Variants in MEGF11 observed in about 807,000 individuals in gnomAD.
MEGF11 encodes multiple EGF like domains 11.
Under a neutral mutation model 146.6 loss-of-function variants are expected in MEGF11, and 126 were observed. The ratio of observed to expected loss-of-function variants is 0.86; its 90% CI spans 0.74 to 1.00. The LOEUF is 1.00. Ranked by LOEUF, MEGF11 falls within the 50% of genes least tolerant of loss-of-function variation. The pLI, the probability that MEGF11 is intolerant of heterozygous loss-of-function variation, is 0.00. For synonymous variants in MEGF11, 532 were observed against 583.4 expected (o/e 0.91, Z 1.27); for missense variants, 1,509 against 1,521.2 (o/e 0.99, Z 0.13).
At chr15:66,137,116 T>C (rs542661084) in intron 1 of MEGF11, among the ~76,000 whole-genome samples, 2 of 152,324 alleles carry the variant, frequency 1.3e-5, no homozygotes, top group African/African-American at 4.8e-5. Flanking sequence ...AATTCCACCA[T>C]GTCTATATAA....
chr15:66,130,527 A>C (rs2088595242), intron 1 of MEGF11, among the ~76,000 whole-genome samples: 7 of 152,102 alleles, frequency 4.6e-5, no homozygotes, highest in Admixed American at 4.6e-4. Flanking sequence ...CTTTTGACCC[A>C]TGTGATGGGA....
chr15:65,922,106 A>G (rs1332859464), intron 15 of MEGF11: 1 of 566,718 alleles, frequency 1.8e-6, no homozygotes, highest in Non-Finnish European at 3.2e-6. Context: ...GCCACTTGCT[A>G]GCTGCGAAAT....
intron 1 of MEGF11, among the ~76,000 whole-genome samples, chr15:66,153,117 C>G (rs1396105217): frequency 6.6e-6 from 1 of 152,228 alleles, no homozygotes; most frequent in African/African-American, 2.4e-5. Context: ...CACCCAGTCT[C>G]TAAACTTCTC....
At chr15:65,974,116 T>TAATC (rs1265219585) in intron 7 of MEGF11, among the ~76,000 whole-genome samples, 1 of 152,194 alleles carries the variant, frequency 6.6e-6, no homozygotes, top group African/African-American at 2.4e-5. Context: ...TAAGCACCAA[T>TAATC]AATCACCAAC....
At chr15:66,242,301 TG>T (rs1468801523) in intron 1 of MEGF11, among the ~76,000 whole-genome samples, 2 of 150,480 alleles carry the variant, frequency 1.3e-5, no homozygotes, top group African/African-American at 2.4e-5. Context: ...CCCAGCTACT[TG>T]GGAGGTTGAG....
Position 65,897,868 on chromosome 15 carries a change from G to A in MEGF11, c.*66C>T, listed in dbSNP as rs2078387592. The A allele has an allele frequency of 6.8e-7, 1 of 1,480,948 alleles. No homozygotes were observed. Among genetic ancestry groups the A allele is most frequent in the Non-Finnish European group, 9.2e-7 (1 of 1,085,966 alleles). The allele number at this position is 1,480,948 out of a possible 1,614,324, so 91.7% of individuals were successfully genotyped here. A position where few individuals can be genotyped will look rare whatever the true frequency, so the allele number is the denominator to read the frequency against. The stretch of plus-strand genomic sequence containing the variant: ...AGTCTGTACCATTACTTCAAGTCAA[G>A]GGACTGTCTTCTTTCAGAGTCAGAA... On this transcript the variant is annotated 3_prime_UTR_variant, in exon 26 of 26. Coordinates refer to ENST00000395614, the MANE Select transcript of MEGF11 (RefSeq NM_001385028.1).
intron 1 of MEGF11, among the ~76,000 whole-genome samples, chr15:66,225,452 C>T (rs868063622): frequency 6.6e-6 from 1 of 152,244 alleles, no homozygotes; most frequent in Non-Finnish European, 1.5e-5. Flanking sequence ...GACCAGCGCT[C>T]AGTGGGTGGT....
intron 5 of MEGF11, among the ~76,000 whole-genome samples, chr15:66,010,209 T>TG (rs1167328766): frequency 1.3e-5 from 2 of 151,268 alleles, no homozygotes; most frequent in Non-Finnish European, 3.0e-5. Flanking sequence ...TCTTTTTTTT[T>TG]TTTGAGACAG....
At chr15:66,195,800 G>A (rs533944149) in intron 1 of MEGF11, among the ~76,000 whole-genome samples, 21 of 152,344 alleles carry the variant, frequency 1.4e-4, no homozygotes, top group African/African-American at 5.1e-4. Flanking sequence ...AGGACAGGAA[G>A]CAAGAGGTAT....
chr15:66,045,278 T>C (rs2084159457), intron 5 of MEGF11, among the ~76,000 whole-genome samples: 2 of 152,104 alleles, frequency 1.3e-5, no homozygotes, highest in Admixed American at 1.3e-4. Context: ...ACCTCACTGC[T>C]CTCCTGTGGA....
At chr15:66,039,121 A>G (rs561938564) in intron 5 of MEGF11, among the ~76,000 whole-genome samples, 3 of 152,340 alleles carry the variant, frequency 2.0e-5, no homozygotes, top group Admixed American at 2.0e-4. Context: ...CAGGGTAATG[A>G]GGTGACTACC....
chr15:66,145,305 T>C (rs2089324736), intron 1 of MEGF11, among the ~76,000 whole-genome samples: 1 of 151,834 alleles, frequency 6.6e-6, no homozygotes, highest in African/African-American at 2.4e-5. Context: ...GAAGCTGATA[T>C]CATATGCCCT....
intron 1 of MEGF11, among the ~76,000 whole-genome samples, chr15:66,249,051 G>A (rs1163000405): frequency 6.6e-6 from 1 of 152,194 alleles, no homozygotes; most frequent in Non-Finnish European, 1.5e-5. Flanking sequence ...TACCAGGCCA[G>A]CCAAGTTGAA....
At chr15:66,152,206 C>T (rs1328537827) in intron 1 of MEGF11, among the ~76,000 whole-genome samples, 1 of 152,050 alleles carries the variant, frequency 6.6e-6, no homozygotes, top group East Asian at 1.9e-4. Context: ...CTCGGTGTCC[C>T]CACTTATGAA....
At chr15:66,106,766 A>G (rs1033093457) in intron 4 of MEGF11, among the ~76,000 whole-genome samples, 2 of 152,230 alleles carry the variant, frequency 1.3e-5, no homozygotes, top group African/African-American at 2.4e-5. Flanking sequence ...ACAGCCAGAC[A>G]TCAGAGCAGA....
rs762360834 is a variant in MEGF11 at position 65,898,063 on chromosome 15, G to T, written c.3294C>A (p.Cys1098Ter). 2.5e-6 allele frequency: 4 copies of T among 1,613,396 alleles called. No homozygotes were observed. The African/African-American group carries it at 4.0e-5, about 16-fold the overall frequency. Residue 1098 changes from cysteine to a stop codon, truncating the protein, a stop_gained, in exon 26 of 26, where the codon TGC (cysteine) becomes TGA (stop). Coordinates refer to ENST00000395614, the MANE Select transcript of MEGF11 (RefSeq NM_001385028.1). LOFTEE classifies it high-confidence loss of function. The stretch of plus-strand genomic sequence containing the variant: ...TCTGGATATAGCTGGAGTTATGACC[G>T]CAACCTTCTTGGACCACACTGACTG... ...EPTVSVVQEG[C>*]GHNSSYIQNA...
chr15:65,901,642 A>G (rs1301068048), intron 24 of MEGF11: 2 of 150,754 alleles, frequency 1.3e-5, no homozygotes, highest in Non-Finnish European at 3.0e-5. Context: ...TGAACTCACC[A>G]GTCAAGGAGT....
chr15:65,961,916 A>C (rs2080869885), intron 9 of MEGF11, among the ~76,000 whole-genome samples: 1 of 152,192 alleles, frequency 6.6e-6, no homozygotes, highest in Non-Finnish European at 1.5e-5. Context: ...ACGTTCAAAG[A>C]CCACAGGAAA....
intron 4 of MEGF11, among the ~76,000 whole-genome samples, chr15:66,103,305 T>C (rs564891985): frequency 6.6e-6 from 1 of 152,326 alleles, no homozygotes; most frequent in East Asian, 1.9e-4. Flanking sequence ...GGAATGGTTA[T>C]TATGAGCGTG....
Sources: allele counts gnomAD v4.1 joint callset (sites outside exome capture counted in the v4.1 genomes callset), GRCh38; gene constraint gnomAD v4.1.1; transcripts MANE v1.5; gene names NCBI Gene and HGNC (gene_info 2026-07-23, HGNC 2026-07-21).